Variants in PRKCQ observed in about 807,000 individuals in gnomAD.
PRKCQ encodes the protein protein kinase C theta, also known as protein kinase C theta type.
Under a neutral mutation model 91.2 loss-of-function variants are expected in PRKCQ, and 41 were observed. The ratio of observed to expected loss-of-function variants is 0.45; its 90% CI spans 0.35 to 0.58. The LOEUF is 0.58. PRKCQ is among the 20% of genes least tolerant of loss of function. PRKCQ has a pLI of 0.00. For missense variants in PRKCQ, 673 were observed against 896.5 expected (o/e 0.75, Z 3.18); for synonymous variants, 307 against 316.9 (o/e 0.97, Z 0.33).
chr10:6,456,060 G>A (rs1472316133), intron 15 of PRKCQ, among the ~76,000 whole-genome samples: 1 of 152,006 alleles, frequency 6.6e-6, no homozygotes. Context: ...AAAGGGGGGA[G>A]GTGGGTTTAG....
chr10:6,477,116 C>G (rs1043108420), intron 12 of PRKCQ, among the ~76,000 whole-genome samples: 1 of 152,238 alleles, frequency 6.6e-6, no homozygotes. Flanking sequence ...TCCTCTCCTG[C>G]AGCCACACCT....
the PRKCQ span, among the ~76,000 whole-genome samples, chr10:6,413,682 G>GCGCACGCGCA: frequency 1.0e-5 from 1 of 98,028 alleles, no homozygotes; most frequent in South Asian, 3.6e-4. Context: ...TGCCACTTGT[G>GCGCACGCGCA]CACACACACA....
At chr10:6,419,249 A>T in the PRKCQ span, among the ~76,000 whole-genome samples, 5 of 152,156 alleles carry the variant, frequency 3.3e-5, no homozygotes, top group Non-Finnish European at 5.9e-5. Flanking sequence ...ATGTGTGTGT[A>T]CATATGTGTA....
At chr10:6,538,515 G>C (rs1217496695) in intron 1 of PRKCQ, among the ~76,000 whole-genome samples, 1 of 152,232 alleles carries the variant, frequency 6.6e-6, no homozygotes, top group Non-Finnish European at 1.5e-5. Context: ...ATGGGGAAAA[G>C]CTTTTTCAAA....
chr10:6,477,653 A>G (rs1836343079), intron 12 of PRKCQ, among the ~76,000 whole-genome samples: 1 of 152,224 alleles, frequency 6.6e-6, no homozygotes, highest in East Asian at 1.9e-4. Context: ...GGATCACCTG[A>G]GGTCAGGAGT....
intron 3 of PRKCQ, among the ~76,000 whole-genome samples, chr10:6,508,242 T>C (rs999455047): frequency 7.2e-5 from 11 of 152,312 alleles, no homozygotes; most frequent in Middle Eastern, 6.8e-3. Context: ...TGAGCGCTGT[T>C]GTTAATCTAT....
chr10:6,489,341 C>T (rs1476858290), intron 8 of PRKCQ: 16 of 487,614 alleles, frequency 3.3e-5, no homozygotes, highest in Middle Eastern at 6.5e-4. Flanking sequence ...CTTGCATGGC[C>T]GCGAAGAAAG....
Position 6,456,721 on chromosome 10 carries a change from C to T in PRKCQ, c.1600G>A (p.Ala534Thr). Residue 534 changes from alanine to threonine, a missense_variant, in exon 15 of 18, where the codon GCC becomes ACC. Transcript: ENST00000263125. ...GMCKENMLGD[A>T]KTNTFCGTPD... ...GTCCCACAGAAGGTATTCGTCTTGG[C>T]ATCTCCTAACATGTTCTCCTTGCAC... 1.2e-6 allele frequency: 2 copies of T among 1,614,150 alleles called. No individual in the cohort carries two copies. Among genetic ancestry groups the T allele is most frequent in the Non-Finnish European group, 1.7e-6 (2 of 1,180,022 alleles).
Position 6,549,453 on chromosome 10 carries a change from C to G in PRKCQ, c.-10+30758G>C, listed in dbSNP as rs138483581. On this transcript the variant is annotated intron_variant, in intron 1 of 17. Transcript: ENST00000263125. Reference sequence around the variant, plus strand: ...AACAGTCGACTTATTTTTATGATAACTGGAGTGAGGGCAGGGAATCAGAAA... The same window carrying G: ...AACAGTCGACTTATTTTTATGATAAGTGGAGTGAGGGCAGGGAATCAGAAA... 3.1e-3 allele frequency among the ~76,000 whole-genome samples: 475 copies of G among 152,186 alleles called. 2 individuals carry two copies. Among genetic ancestry groups the G allele is most frequent in the African/African-American group, 0.011 (447 of 41,508 alleles).
chr10:6,542,592 G>T (rs932129942), intron 1 of PRKCQ, among the ~76,000 whole-genome samples: 1 of 152,204 alleles, frequency 6.6e-6, no homozygotes, highest in Non-Finnish European at 1.5e-5. Context: ...AGAGTGAACA[G>T]TTCTCCCTCG....
rs933945606 is a variant in PRKCQ at position 6,497,513 on chromosome 10, A to C, written c.543-262T>G. On this transcript the variant is annotated intron_variant, in intron 5 of 17. Coordinates refer to ENST00000263125, the MANE Select transcript of PRKCQ (RefSeq NM_006257.5). The surrounding 1 kb of genome is among the most constrained non-coding windows in gnomAD (Gnocchi z 4.5). Reference sequence around the variant, plus strand: ...TCCAAACATATAGAGATTAAAATGCATGAATGAAAATGCATGCATCACAGA... The same window carrying C: ...TCCAAACATATAGAGATTAAAATGCCTGAATGAAAATGCATGCATCACAGA... 3.3e-5 allele frequency among the ~76,000 whole-genome samples: 5 copies of C among 152,240 alleles called. No individual in the cohort carries two copies. Among genetic ancestry groups the C allele is most frequent in the Non-Finnish European group, 7.3e-5 (5 of 68,036 alleles).
chr10:6,490,156 C>T (rs1223699173), intron 8 of PRKCQ, among the ~76,000 whole-genome samples: 2 of 152,102 alleles, frequency 1.3e-5, no homozygotes, highest in Non-Finnish European at 2.9e-5. Context: ...GGAACGGATT[C>T]TTGAGGCTAA....
chr10:6,502,778 T>C (rs1837990173), intron 4 of PRKCQ, among the ~76,000 whole-genome samples: 2 of 152,206 alleles, frequency 1.3e-5, no homozygotes, highest in Admixed American at 6.5e-5. Flanking sequence ...AAGGAGGCTA[T>C]AAAAATTACT....
the PRKCQ span, among the ~76,000 whole-genome samples, chr10:6,396,415 C>T: frequency 1.3e-5 from 2 of 152,226 alleles, no homozygotes; most frequent in African/African-American, 4.8e-5. Context: ...AAAGAGCCTC[C>T]GTACCCATAG....
At chr10:6,521,809 T>C (rs1839013640) in intron 1 of PRKCQ, among the ~76,000 whole-genome samples, 2 of 152,234 alleles carry the variant, frequency 1.3e-5, no homozygotes, top group South Asian at 4.1e-4. Context: ...GCAGTCATTA[T>C]CATGATGGAT....
intron 16 of PRKCQ, among the ~76,000 whole-genome samples, chr10:6,440,213 C>T (rs1396508471): frequency 1.3e-5 from 2 of 152,124 alleles, no homozygotes; most frequent in Non-Finnish European, 2.9e-5. Context: ...TATAAATTAC[C>T]CAGTATTAGG....
chr10:6,429,455 A>T (rs1833295547), intron 17 of PRKCQ, among the ~76,000 whole-genome samples: 1 of 152,132 alleles, frequency 6.6e-6, no homozygotes, highest in Admixed American at 6.5e-5. Context: ...GTTGAGAACA[A>T]CTATTCTTGC....
At chr10:6,457,933 T>C (rs1193941488) in intron 14 of PRKCQ, among the ~76,000 whole-genome samples, 2 of 148,472 alleles carry the variant, frequency 1.3e-5, no homozygotes, top group Admixed American at 1.4e-4. Flanking sequence ...TTCAGGTGCT[T>C]CCCTTGATAT....
downstream of PRKCQ, among the ~76,000 whole-genome samples, chr10:6,424,382 G>C (rs757723518): frequency 6.6e-6 from 1 of 152,148 alleles, no homozygotes; most frequent in Admixed American, 6.5e-5. Context: ...CTTGTGGTGG[G>C]GAAGGCACGT....
Sources: gnomAD v4.1 joint callset for allele counts (sites outside exome capture counted in the v4.1 genomes callset) on GRCh38, gnomAD v4.1.1 for gene constraint, Gnocchi (gnomAD v3.1) non-coding constraint, MANE v1.5 for transcripts, NCBI Gene and HGNC (gene_info 2026-07-23, HGNC 2026-07-21) for gene names.